The following HIPK2 variants were observed in gnomAD, a reference collection of about 807,000 sequenced individuals.
HIPK2 encodes the protein homeodomain interacting protein kinase 2.
HIPK2 carries 27 observed loss-of-function variants against 113.7 expected under a neutral mutation model. That is an observed-to-expected ratio of 0.24 (90% CI 0.17 to 0.33). HIPK2 has a LOEUF of 0.33. HIPK2 is among the 10% of genes least tolerant of loss of function. HIPK2 has a pLI of 1.00. For missense variants in HIPK2, 1,257 were observed against 1,588.0 expected (o/e 0.79, Z 3.54); for synonymous variants, 631 against 642.2 (o/e 0.98, Z 0.26).
intron 1 of HIPK2, among the ~76,000 whole-genome samples, chr7:139,767,595 T>C (rs866415192): frequency 4.9e-4 from 75 of 152,348 alleles, no homozygotes; most frequent in African/African-American, 1.6e-3. Flanking sequence ...CCAGGTTCTC[T>C]GTCAGGTTTC....
intron 2 of HIPK2, among the ~76,000 whole-genome samples, chr7:139,646,562 T>C (rs1801237305): frequency 2.0e-5 from 3 of 150,958 alleles, no homozygotes; most frequent in Admixed American, 2.0e-4. Flanking sequence ...ATACCACTGC[T>C]CCATCTTCTC....
At position 139,697,269 on chromosome 7, in the gene HIPK2, T is replaced by A. The variant is rs1240764525; in HGVS notation, c.1103+18663A>T. Among the ~76,000 whole-genome samples the A allele has an allele frequency of 3.9e-5, 6 of 152,314 alleles. No individual in the cohort carries two copies. The South Asian group carries it at 1.2e-3, about 32-fold the overall frequency. On this transcript the variant is annotated intron_variant, in intron 2 of 14. Coordinates refer to ENST00000406875, the MANE Select transcript of HIPK2 (RefSeq NM_022740.5). ...ACGCCGAGCTCTGCTTACACACAGG[T>A]GCCCAGGGGCCTCAGAGAGAGCTGC...
Position 139,739,902 on chromosome 7 carries a change from T to C in HIPK2, c.20-22887A>G, listed in dbSNP as rs529557564. On this transcript the variant is annotated intron_variant, in intron 1 of 14. Coordinates refer to ENST00000406875, the MANE Select transcript of HIPK2 (RefSeq NM_022740.5). ...CATGTATCAACATTCCATTCCCTTT[T>C]ATTGCCAAATAATATTCAGTGGACT... 5.9e-5 allele frequency among the ~76,000 whole-genome samples: 9 copies of C among 152,372 alleles called. No homozygotes were observed. The South Asian group carries it at 1.7e-3, about 28-fold the overall frequency.
intron 12 of HIPK2, among the ~76,000 whole-genome samples, chr7:139,590,071 T>C (rs1394870907): frequency 6.6e-6 from 1 of 152,214 alleles, no homozygotes; most frequent in East Asian, 1.9e-4. Context: ...TGAGCACACA[T>C]TTCAGATGAC....
intron 2 of HIPK2, among the ~76,000 whole-genome samples, chr7:139,700,369 C>T (rs1398744372): frequency 6.6e-6 from 1 of 152,138 alleles, no homozygotes; most frequent in Non-Finnish European, 1.5e-5. Context: ...CAGTGCCCTA[C>T]GTGATGGGGA....
At chr7:139,677,683 G>A (rs1802550309) in intron 2 of HIPK2, among the ~76,000 whole-genome samples, 1 of 152,166 alleles carries the variant, frequency 6.6e-6, no homozygotes, top group Non-Finnish European at 1.5e-5. Flanking sequence ...CCATCAACCA[G>A]TTATCTACAT....
At chr7:139,588,317 C>T (rs561987629) in intron 12 of HIPK2, among the ~76,000 whole-genome samples, 1 of 150,980 alleles carries the variant, frequency 6.6e-6, no homozygotes, top group East Asian at 1.9e-4. Flanking sequence ...GACTCTGCCC[C>T]CACACCGCGC....
intron 2 of HIPK2, among the ~76,000 whole-genome samples, chr7:139,673,583 G>A (rs1014574554): frequency 1.3e-5 from 2 of 152,162 alleles, no homozygotes; most frequent in African/African-American, 2.4e-5. Flanking sequence ...GAGGAGGGAC[G>A]TAGAGACTGG....
At position 139,700,568 on chromosome 7, in the gene HIPK2, C is replaced by T. The variant is rs1478556875; in HGVS notation, c.1103+15364G>A. On this transcript the variant is annotated intron_variant, in intron 2 of 14. Coordinates refer to ENST00000406875, the MANE Select transcript of HIPK2 (RefSeq NM_022740.5). ...TGGGTATTTCCTTTGTGTACATCCA[C>T]GCTGTATTTTCTGAAATCTGCACGT... 5.9e-5 allele frequency among the ~76,000 whole-genome samples: 9 copies of T among 152,284 alleles called. No homozygotes were observed. The Middle Eastern group carries it at 0.01, about 173-fold the overall frequency.
Position 139,683,246 on chromosome 7 carries a change from A to G in HIPK2, c.1103+32686T>C, listed in dbSNP as rs755318441. Reference sequence around the variant, plus strand: ...CACGAGGATAAAAATGCGAACAGAGACTGCATTAGCTGCCTGTTAATGTGT... The same window carrying G: ...CACGAGGATAAAAATGCGAACAGAGGCTGCATTAGCTGCCTGTTAATGTGT... On this transcript the variant is annotated intron_variant, in intron 2 of 14. Transcript: ENST00000406875. The surrounding 1 kb of genome is among the most constrained non-coding windows in gnomAD (Gnocchi z 4.2). 1.3e-5 allele frequency among the ~76,000 whole-genome samples: 2 copies of G among 152,202 alleles called. No individual in the cohort carries two copies. The highest frequency in any genetic ancestry group is 2.9e-5 in the Non-Finnish European group (2 of 68,040).
intron 1 of HIPK2, among the ~76,000 whole-genome samples, chr7:139,726,541 G>A (rs138701981): frequency 1.3e-3 from 204 of 152,282 alleles, no homozygotes; most frequent in African/African-American, 4.6e-3. Context: ...GAGCACTAAC[G>A]GGATATCTAC....
rs930484624 is a variant in HIPK2, at chr7:139,668,733, T to C, written c.1104-37008A>G. Reference sequence around the variant, plus strand: ...ATGCCATTAATTTTGTGATTAAAAGTTACAAATGCTATTCAAAATTTCTGG... The same window carrying C: ...ATGCCATTAATTTTGTGATTAAAAGCTACAAATGCTATTCAAAATTTCTGG... On this transcript the variant is annotated intron_variant, in intron 2 of 14. Coordinates refer to ENST00000406875, the MANE Select transcript of HIPK2 (RefSeq NM_022740.5). Among the ~76,000 whole-genome samples, 5 of 152,334 alleles carry C rather than the reference T, an allele frequency of 3.3e-5. No homozygotes were observed. The Middle Eastern group carries it at 0.01, about 311-fold the overall frequency.
At chr7:139,670,735 C>CT (rs1340128973) in intron 2 of HIPK2, among the ~76,000 whole-genome samples, 1 of 76,192 alleles carries the variant, frequency 1.3e-5, no homozygotes. Flanking sequence ...TTTTTCTTTT[C>CT]TTTCTTTCTT....
chr7:139,588,768 G>C (rs1798921597), intron 12 of HIPK2, among the ~76,000 whole-genome samples: 1 of 152,094 alleles, frequency 6.6e-6, no homozygotes, highest in Non-Finnish European at 1.5e-5. Context: ...TGAATGCGGG[G>C]GAGTAAAGGG....
intron 11 of HIPK2, among the ~76,000 whole-genome samples, chr7:139,599,188 C>T (rs1257258147): frequency 6.6e-6 from 1 of 152,160 alleles, no homozygotes; most frequent in Non-Finnish European, 1.5e-5. Context: ...GATGCAGGAG[C>T]AATCCTGTAG....
intron 1 of HIPK2, among the ~76,000 whole-genome samples, chr7:139,727,453 C>A (rs1233135822): frequency 6.6e-6 from 1 of 152,212 alleles, no homozygotes; most frequent in East Asian, 1.9e-4. Flanking sequence ...CGTTCAAAAT[C>A]TTTTATGTCA....
In HIPK2 at chr7:139,583,914, C is replaced by T. The variant is rs746212562; in HGVS notation, c.2868G>A (p.Leu956=). Residue 956 remains leucine (L), a synonymous_variant, in exon 13 of 15, where the codon CTG becomes CTA. Coordinates refer to ENST00000406875, the MANE Select transcript of HIPK2 (RefSeq NM_022740.5). The stretch of plus-strand genomic sequence containing the variant: ...GGGGGTTCCCCGTGCAGTGATTCTC[C>T]AGGCTCCCCTTGGTGTCAAAGGCAT... ...NANAFDTKGS[L]ENHCTGNPRT... 6.4e-5 allele frequency: 103 copies of T among 1,613,904 alleles called. No homozygotes were observed. The highest frequency in any genetic ancestry group is 8.4e-5 in the Non-Finnish European group (99 of 1,179,898).
intron 2 of HIPK2, among the ~76,000 whole-genome samples, chr7:139,656,005 C>A (rs1435568984): frequency 3.9e-5 from 6 of 152,178 alleles, no homozygotes; most frequent in Non-Finnish European, 7.3e-5. Flanking sequence ...TCTTTGATAA[C>A]TGACCCTGTT....
chr7:139,727,332 T>G (rs1391843480), intron 1 of HIPK2, among the ~76,000 whole-genome samples: 1 of 151,946 alleles, frequency 6.6e-6, no homozygotes, highest in Non-Finnish European at 1.5e-5. Context: ...CCAATAGCCC[T>G]CTTTTCCCAC....
Sources: gnomAD v4.1 joint callset for allele counts (sites outside exome capture counted in the v4.1 genomes callset) on GRCh38, gnomAD v4.1.1 for gene constraint, Gnocchi (gnomAD v3.1) non-coding constraint, MANE v1.5 for transcripts, NCBI Gene and HGNC (gene_info 2026-07-23, HGNC 2026-07-21) for gene names.